NRF1: variants seen among roughly 807,000 people sequenced by gnomAD.
NRF1 encodes the protein alpha palindromic-binding protein.
A neutral mutation model predicts 58.5 loss-of-function variants in NRF1; 5 were observed. That is an observed-to-expected ratio of 0.09 (90% CI 0.04 to 0.18). The LOEUF (loss-of-function observed/expected upper bound fraction) is 0.18, where lower values mean the gene tolerates loss of function less well. Ranked by LOEUF, NRF1 falls within the 10% of genes least tolerant of loss-of-function variation. The pLI, the probability that NRF1 is intolerant of heterozygous loss-of-function variation, is 1.00. For synonymous variants in NRF1, 224 were observed against 246.7 expected (o/e 0.91, Z 0.86); for missense variants, 288 against 657.7 (o/e 0.44, Z 6.15).
chr7:129,743,148 G>T, intron 10 of NRF1, among the ~76,000 whole-genome samples: 1 of 147,296 alleles, frequency 6.8e-6, no homozygotes. Context: ...AGGATTTCAT[G>T]TCCTTTGCCT....
intron 4 of NRF1, 138 bp downstream of exon 4, chr7:129,677,896 A>G: frequency 1.0e-6 from 1 of 961,992 alleles, no homozygotes; most frequent in Non-Finnish European, 1.5e-6. Context: ...ACTAGTTTTC[A>G]GACTGCTTTA....
chr7:129,678,025 T>C (rs1017625286), intron 4 of NRF1, among the ~76,000 whole-genome samples: 3 of 152,194 alleles, frequency 2.0e-5, no homozygotes, highest in African/African-American at 7.2e-5. Flanking sequence ...CAAGGTGTTT[T>C]GTTTGTTAGG....
rs371864945 is a variant in NRF1 at position 129,704,056 on chromosome 7, G to GT, written c.607-5010dup. Among the ~76,000 whole-genome samples the GT allele has an allele frequency of 9.3e-3, 1,371 of 146,654 alleles. 19 individuals carry two copies. Among genetic ancestry groups the GT allele is most frequent in the African/African-American group, 0.031 (1,243 of 39,652 alleles). Reference sequence around the variant, plus strand: ...CTGCTTGTACATCCCCCCACCCCCCGTTTTTTTTTAATTGAAGGGAGAGAA... The same window carrying GT: ...CTGCTTGTACATCCCCCCACCCCCCGTTTTTTTTTTAATTGAAGGGAGAGAA... On this transcript the variant is annotated intron_variant, in intron 5 of 10. Transcript: ENST00000393232.
chr7:129,729,258 C>T (rs1297937286), intron 10 of NRF1, among the ~76,000 whole-genome samples: 1 of 152,148 alleles, frequency 6.6e-6, no homozygotes, highest in Non-Finnish European at 1.5e-5. Flanking sequence ...CCCTCTGGCT[C>T]TCGGCCAAGT....
chr7:129,748,194 G>A (rs1178850736), intron 10 of NRF1, among the ~76,000 whole-genome samples: 5 of 136,368 alleles, frequency 3.7e-5, no homozygotes, highest in Non-Finnish European at 6.1e-5. Context: ...AGAATCACTT[G>A]AACCTGGGAG....
chr7:129,666,622 C>T (rs944065865), intron 2 of NRF1, among the ~76,000 whole-genome samples: 6 of 152,140 alleles, frequency 3.9e-5, no homozygotes, highest in African/African-American at 1.4e-4. Flanking sequence ...ACCTCTGCCT[C>T]CTGGGTTCAA....
intron 5 of NRF1, among the ~76,000 whole-genome samples, chr7:129,703,016 T>G (rs1393795730): frequency 6.6e-6 from 1 of 152,220 alleles, no homozygotes; most frequent in East Asian, 1.9e-4. Flanking sequence ...AAAGGAAATT[T>G]CTAGCATAGC....
At chr7:129,620,560 T>TG (rs1800772171) in intron 1 of NRF1, among the ~76,000 whole-genome samples, 1 of 151,998 alleles carries the variant, frequency 6.6e-6, no homozygotes, top group Non-Finnish European at 1.5e-5. Context: ...AGCTAATTTT[T>TG]TATTTTTAGT....
At chr7:129,651,132 G>A (rs1213451475) in intron 1 of NRF1, among the ~76,000 whole-genome samples, 1 of 151,986 alleles carries the variant, frequency 6.6e-6, no homozygotes, top group Non-Finnish European at 1.5e-5. Context: ...AATAAAAATG[G>A]TTAGAGAGGC....
chr7:129,704,142 G>A (rs186913030), intron 5 of NRF1, among the ~76,000 whole-genome samples: 69 of 151,570 alleles, frequency 4.6e-4, no homozygotes, highest in Admixed American at 1.3e-3. Flanking sequence ...CTCAAGGACC[G>A]AGCAGAACAA....
At position 129,627,105 on chromosome 7, in the gene NRF1, C is replaced by T. The variant is rs143853269; in HGVS notation, c.-7+15281C>T. Among the ~76,000 whole-genome samples, 11 of 152,324 alleles carry T rather than the reference C, an allele frequency of 7.2e-5. No homozygotes were observed. In the East Asian group the frequency reaches 7.7e-4, roughly 11 times the overall value. On this transcript the variant is annotated intron_variant, in intron 1 of 10. Coordinates refer to ENST00000393232, the MANE Select transcript of NRF1 (RefSeq NM_005011.5). ...AACCACCACTGCTAGCAGTTTCTTG[C>T]GTATTCTTCCACGTAGGCTAAGCAG...
chr7:129,652,041 T>C (rs1801548818), intron 1 of NRF1, among the ~76,000 whole-genome samples: 1 of 152,180 alleles, frequency 6.6e-6, no homozygotes, highest in Non-Finnish European at 1.5e-5. Flanking sequence ...AATTTGATTA[T>C]CTACATAGAA....
chr7:129,689,438 C>T (rs186763533), intron 4 of NRF1, among the ~76,000 whole-genome samples: 1 of 152,166 alleles, frequency 6.6e-6, no homozygotes, highest in Non-Finnish European at 1.5e-5. Flanking sequence ...AATTTCCTAG[C>T]CCACTTGTCA....
intron 5 of NRF1, 129 bp downstream of exon 5, chr7:129,690,675 A>G: frequency 2.1e-6 from 2 of 946,174 alleles, no homozygotes; most frequent in Non-Finnish European, 3.1e-6. Flanking sequence ...GGAGTCTTGT[A>G]GTGAAACAGT....
intron 1 of NRF1, among the ~76,000 whole-genome samples, chr7:129,612,988 T>G (rs1584570592): frequency 6.6e-6 from 1 of 152,370 alleles, no homozygotes; most frequent in East Asian, 1.9e-4. Flanking sequence ...TTAGAATATA[T>G]TAATTGCTTA....
chr7:129,632,522 A>G (rs149645536), intron 1 of NRF1, among the ~76,000 whole-genome samples: 1 of 151,886 alleles, frequency 6.6e-6, no homozygotes, highest in African/African-American at 2.4e-5. Context: ...CTTATTGGGC[A>G]CCCCTTCCCC....
At chr7:129,638,390 A>C (rs1413731107) in intron 1 of NRF1, among the ~76,000 whole-genome samples, 1 of 152,170 alleles carries the variant, frequency 6.6e-6, no homozygotes, top group East Asian at 1.9e-4. Flanking sequence ...TTTTGACCCA[A>C]GTGAGCTTAG....
intron 9 of NRF1, among the ~76,000 whole-genome samples, chr7:129,718,126 T>G (rs1803233831): frequency 1.3e-5 from 2 of 152,210 alleles, no homozygotes; most frequent in Non-Finnish European, 2.9e-5. Flanking sequence ...ATTCCCTGCC[T>G]GGTTCTTTCT....
chr7:129,618,124 G>A (rs1344497085), intron 1 of NRF1, among the ~76,000 whole-genome samples: 1 of 152,178 alleles, frequency 6.6e-6, no homozygotes, highest in Non-Finnish European at 1.5e-5. Context: ...CATCGATTCT[G>A]GGGATAATTT....
Sources: allele counts gnomAD v4.1 joint callset (sites outside exome capture counted in the v4.1 genomes callset), GRCh38; gene constraint gnomAD v4.1.1; transcripts MANE v1.5; gene names NCBI Gene and HGNC (gene_info 2026-07-23, HGNC 2026-07-21).